The following FRMPD2 variants were observed in gnomAD, a reference collection of about 807,000 sequenced individuals.
FRMPD2 encodes the protein FERM and PDZ domain containing 2, also known as FERM and PDZ domain-containing protein 2.
A neutral mutation model predicts 140.1 loss-of-function variants in FRMPD2; 96 were observed. That is an observed-to-expected ratio of 0.69 (90% CI 0.58 to 0.81). FRMPD2 has a LOEUF of 0.81. Among genes scored for constraint, FRMPD2 ranks in the 40% least tolerant of loss-of-function variants. The probability of loss-of-function intolerance (pLI) is 0.00; values close to 1 mark genes in which losing one functional copy is unlikely to be tolerated. For synonymous variants in FRMPD2, 449 were observed against 547.6 expected, an observed-to-expected ratio of 0.82 and a Z score of 2.52; for missense variants, 1,240 against 1,447.4, an observed-to-expected ratio of 0.86 and a Z score of 2.32.
At chr10:48,160,822 T>G (rs1202106583) in intron 28 of FRMPD2, among the ~76,000 whole-genome samples, 2 of 148,346 alleles carry the variant, frequency 1.3e-5, no homozygotes, top group African/African-American at 5.0e-5. Flanking sequence ...ATCCAGGAGC[T>G]GGGGGAACTG....
At chr10:48,236,350 C>CA in intron 9 of FRMPD2, 132 bp downstream of exon 9, 1 of 757,858 alleles carries the variant, frequency 1.3e-6, no homozygotes, top group East Asian at 2.6e-5. Flanking sequence ...ATGGTTCTGG[C>CA]AGAGGTCTGG....
chr10:48,222,073 G>A (rs752956956), intron 12 of FRMPD2, among the ~76,000 whole-genome samples: 6 of 151,284 alleles, frequency 4.0e-5, no homozygotes, highest in Non-Finnish European at 8.9e-5. Flanking sequence ...TGGATGGATG[G>A]AATGATAGAC....
rs117883472 is a variant in FRMPD2 at position 48,246,990 on chromosome 10, G to A, written c.309+2031C>T. On this transcript the variant is annotated intron_variant, in intron 3 of 28. Coordinates refer to ENST00000374201, the MANE Select transcript of FRMPD2 (RefSeq NM_001018071.4). ...TTGCCATGCTTCATATGCCTAGAGC[G>A]CTAAACCAATGTTTGGTTAGTTCGG... Among the ~76,000 whole-genome samples, 633 of 152,286 alleles carry A rather than the reference G, an allele frequency of 4.2e-3. 5 individuals carry two copies. The highest frequency in any genetic ancestry group is 6.8e-3 in the Middle Eastern group (2 of 294).
chr10:48,175,008 G>T, intron 23 of FRMPD2, 53 bp from the exon 24 acceptor site: 3 of 706,876 alleles, frequency 4.2e-6, no homozygotes, highest in Admixed American at 2.8e-5. Flanking sequence ...GCTGCAGGAG[G>T]TTCCCTTCCA....
At chr10:48,206,969 C>T in intron 13 of FRMPD2, 36 bp from the exon 14 acceptor site, 5 of 1,599,426 alleles carry the variant, frequency 3.1e-6, no homozygotes, top group Non-Finnish European at 4.3e-6. Context: ...AAGAGACAGG[C>T]ACATGGTTTA....
intron 8 of FRMPD2, among the ~76,000 whole-genome samples, chr10:48,237,775 AG>A (rs1840003542): frequency 6.6e-6 from 1 of 152,086 alleles, no homozygotes; most frequent in Non-Finnish European, 1.5e-5. Context: ...CATCTTATAC[AG>A]CGTCCCCCAT....
chr10:48,175,954 A>T lies in FRMPD2; in HGVS notation c.2896-15T>A. ...TTAATGCCACCCTGAAAAACACAAC[A>T]AAAAACTCACCACCCATCTTTCCTC... is the stretch of plus-strand genomic sequence containing the variant. On this transcript the variant is annotated splice_polypyrimidine_tract_variant and intron_variant, in intron 22 of 28. Transcript: ENST00000374201. The T allele has an allele frequency of 6.2e-7, 1 of 1,602,948 alleles. No homozygotes were observed. The highest frequency in any genetic ancestry group is 8.5e-7 in the Non-Finnish European group (1 of 1,172,076).
chr10:48,271,261 C>G (rs962068818), intron 1 of FRMPD2, among the ~76,000 whole-genome samples: 2 of 152,218 alleles, frequency 1.3e-5, no homozygotes, highest in Non-Finnish European at 2.9e-5. Context: ...CTTCTTCCCC[C>G]ACTGGCTGAA....
At chr10:48,209,688 G>A (rs974898074) in intron 13 of FRMPD2, among the ~76,000 whole-genome samples, 7 of 152,342 alleles carry the variant, frequency 4.6e-5, no homozygotes, top group East Asian at 1.9e-4. Context: ...ACGGCTGCAC[G>A]AGGTGTCTTA....
At chr10:48,172,619 A>C (rs1390637322) in intron 25 of FRMPD2, among the ~76,000 whole-genome samples, 1 of 151,302 alleles carries the variant, frequency 6.6e-6, no homozygotes, top group East Asian at 2.0e-4. Context: ...AGCCAAATGT[A>C]TCTGAAAGTG....
At chr10:48,180,029 G>A (rs1426100878) in intron 21 of FRMPD2, among the ~76,000 whole-genome samples, 3 of 152,206 alleles carry the variant, frequency 2.0e-5, no homozygotes, top group Non-Finnish European at 4.4e-5. Context: ...CCTGATAGGA[G>A]CTGTGCTCTT....
At chr10:48,226,718 G>A (rs192369489) in intron 10 of FRMPD2, among the ~76,000 whole-genome samples, 1 of 152,306 alleles carries the variant, frequency 6.6e-6, no homozygotes, top group African/African-American at 2.4e-5. Context: ...GATCTTTTAA[G>A]CCTCCTCATA....
At chr10:48,226,531 G>A (rs574572129) in intron 10 of FRMPD2, among the ~76,000 whole-genome samples, 1 of 152,152 alleles carries the variant, frequency 6.6e-6, no homozygotes, top group Non-Finnish European at 1.5e-5. Flanking sequence ...ACTTTTAAGC[G>A]CACTTTTAAG....
intron 24 of FRMPD2, among the ~76,000 whole-genome samples, chr10:48,174,528 C>T (rs1483117352): frequency 1.3e-5 from 2 of 151,984 alleles, no homozygotes; most frequent in Admixed American, 6.5e-5. Flanking sequence ...ACAGGGCCAG[C>T]GGGGCTGGGG....
chr10:48,186,598 C>T (rs1288817704), intron 17 of FRMPD2, among the ~76,000 whole-genome samples: 3 of 152,340 alleles, frequency 2.0e-5, no homozygotes, highest in African/African-American at 7.2e-5. Context: ...TTTCACCTCC[C>T]ACCGTGATTC....
At chr10:48,229,256 A>G (rs1458423724) in intron 10 of FRMPD2, among the ~76,000 whole-genome samples, 1 of 152,134 alleles carries the variant, frequency 6.6e-6, no homozygotes, top group Admixed American at 6.5e-5. Context: ...CTCAATATTC[A>G]AAGAGCTAAG....
intron 28 of FRMPD2, among the ~76,000 whole-genome samples, chr10:48,158,713 AGAT>A (rs1294841521): frequency 6.6e-6 from 1 of 150,680 alleles, no homozygotes; most frequent in African/African-American, 2.5e-5. Flanking sequence ...TTTTATAGAC[AGAT>A]GATAACTAGA....
Position 48,186,561 on chromosome 10 carries a change from T to C in FRMPD2, c.2266+631A>G, listed in dbSNP as rs531703481. 5.9e-5 allele frequency among the ~76,000 whole-genome samples: 9 copies of C among 152,370 alleles called. No homozygotes were observed. The East Asian group carries it at 1.7e-3, about 29-fold the overall frequency. ...CGCTTTTGTTTCTTCCTCATTTTTC[T>C]CTTGCTGCCATCATGTAAGAAGTGC... On this transcript the variant is annotated intron_variant, in intron 17 of 28. Transcript: ENST00000374201.
At chr10:48,187,551 TC>T (rs1838718755) in intron 16 of FRMPD2, among the ~76,000 whole-genome samples, 1 of 152,198 alleles carries the variant, frequency 6.6e-6, no homozygotes, top group Non-Finnish European at 1.5e-5. Flanking sequence ...AACTCTGGCT[TC>T]ATATGAGCCT....
Sources: allele counts gnomAD v4.1 joint callset (sites outside exome capture counted in the v4.1 genomes callset), GRCh38; gene constraint gnomAD v4.1.1; transcripts MANE v1.5; gene names NCBI Gene and HGNC (gene_info 2026-07-23, HGNC 2026-07-21).